SBF2: variants seen among roughly 807,000 people sequenced by gnomAD.
SBF2 encodes the protein SET binding factor 2, also known as myotubularin-related protein 13.
A neutral mutation model predicts 225.2 loss-of-function variants in SBF2; 112 were observed. That is an observed-to-expected ratio of 0.50 (90% CI 0.43 to 0.58). The LOEUF (loss-of-function observed/expected upper bound fraction) is 0.58. SBF2 is among the 20% of genes least tolerant of loss of function. The probability of loss-of-function intolerance (pLI) is 0.00; values close to 1 mark genes in which losing one functional copy is unlikely to be tolerated. For synonymous variants in SBF2, 763 were observed against 773.3 expected (o/e 0.99, Z 0.22); for missense variants, 1,996 against 2,206.2 (o/e 0.90, Z 1.91).
chr11:9,922,499 T>A (rs1033883302), intron 16 of SBF2, among the ~76,000 whole-genome samples: 1 of 152,250 alleles, frequency 6.6e-6, no homozygotes, highest in African/African-American at 2.4e-5. Flanking sequence ...CTTTTCATTT[T>A]TAAGCATTAT....
chr11:9,935,444 GA>G (rs540075065), intron 16 of SBF2, among the ~76,000 whole-genome samples: 1 of 151,980 alleles, frequency 6.6e-6, no homozygotes, highest in Non-Finnish European at 1.5e-5. Flanking sequence ...CACAGAATTT[GA>G]AAAAAACTAC....
chr11:9,898,797 AAT>A (rs1257972349), intron 16 of SBF2, among the ~76,000 whole-genome samples: 2 of 152,246 alleles, frequency 1.3e-5, no homozygotes, highest in Admixed American at 6.5e-5. Context: ...TGCTAAAAAT[AAT>A]ATTTTAACTA....
At chr11:9,894,984 A>G (rs10840317) in intron 17 of SBF2, among the ~76,000 whole-genome samples, 31,225 of 151,962 alleles carry the variant, frequency 0.21, 4,111 homozygotes, top group Non-Finnish European at 0.3. Flanking sequence ...ACTCTGTCTC[A>G]ATAAATAAAT....
intron 2 of SBF2, among the ~76,000 whole-genome samples, chr11:10,078,814 T>G (rs1277444499): frequency 6.6e-6 from 1 of 152,082 alleles, no homozygotes; most frequent in Non-Finnish European, 1.5e-5. Context: ...GCATGAGGTT[T>G]GAAGAACAGA....
At chr11:10,293,130 T>C (rs1217347382) in intron 1 of SBF2, among the ~76,000 whole-genome samples, 2 of 152,208 alleles carry the variant, frequency 1.3e-5, no homozygotes, top group Non-Finnish European at 2.9e-5. Context: ...AAAATAGAAG[T>C]GGTTTCCCAG....
chr11:9,936,110 GA>G (rs1453888576), intron 16 of SBF2, among the ~76,000 whole-genome samples: 1 of 150,694 alleles, frequency 6.6e-6, no homozygotes, highest in Non-Finnish European at 1.5e-5. Context: ...AAATTTACAA[GA>G]AAAAAACAAC....
intron 1 of SBF2, among the ~76,000 whole-genome samples, chr11:10,240,895 G>A (rs952822222): frequency 2.0e-5 from 3 of 152,266 alleles, no homozygotes; most frequent in African/African-American, 7.2e-5. Flanking sequence ...TTATCAGTAA[G>A]TTTGATTATT....
chr11:10,231,785 TTCTCAGA>T (rs1446456778), intron 1 of SBF2, among the ~76,000 whole-genome samples: 2 of 152,184 alleles, frequency 1.3e-5, no homozygotes, highest in African/African-American at 4.8e-5. Context: ...AGTCTGCCAG[TTCTCAGA>T]TCTCAAGCTG....
intron 33 of SBF2, among the ~76,000 whole-genome samples, chr11:9,794,163 C>T (rs1852937550): frequency 6.6e-6 from 1 of 151,976 alleles, no homozygotes. Flanking sequence ...GCCGGGGAGA[C>T]AGAGGAGACC....
At chr11:9,910,144 C>T (rs1057109005) in intron 16 of SBF2, among the ~76,000 whole-genome samples, 6 of 151,984 alleles carry the variant, frequency 3.9e-5, no homozygotes, top group African/African-American at 1.5e-4. Context: ...ACTATAGTCA[C>T]GTGGCCTTAT....
intron 16 of SBF2, among the ~76,000 whole-genome samples, chr11:9,919,678 T>C (rs901654973): frequency 2.0e-5 from 3 of 152,174 alleles, no homozygotes; most frequent in Non-Finnish European, 4.4e-5. Flanking sequence ...AACTACCAGG[T>C]CCAGGGTGTG....
At chr11:9,812,860 A>G in intron 29 of SBF2, 152 bp from the exon 30 acceptor site, 1 of 727,712 alleles carries the variant, frequency 1.4e-6, no homozygotes, top group Non-Finnish European at 2.4e-6. Context: ...TTGTACAGCA[A>G]TGTGTCAGTG....
rs766386052 is a variant in SBF2, at chr11:10,301,859, G to C, written n.386+2633C>G. 2.6e-5 allele frequency among the ~76,000 whole-genome samples: 4 copies of C among 152,214 alleles called. No homozygotes were observed. The South Asian group carries it at 8.3e-4, about 31-fold the overall frequency. ...ATTACGCAAAAACCCTTTAGCATAT[G>C]TGTATGTGTGTCTCCCTAATGTCAG... On this transcript the variant is annotated intron_variant and non_coding_transcript_variant, in intron 1 of 5. Transcript: ENST00000685217.
chr11:9,980,589 A>ATTT (rs547262918), intron 13 of SBF2, among the ~76,000 whole-genome samples: 1 of 145,512 alleles, frequency 6.9e-6, no homozygotes. Context: ...GAACTTAAGA[A>ATTT]TTTTTTTTTT....
rs1463148116 is a variant in SBF2, at chr11:9,989,737, T to G, written c.1297-142A>C. On this transcript the variant is annotated intron_variant, in intron 12 of 39. Transcript: ENST00000256190. ...AACAAAATATTTCAGGTTTTGGGGTTTCACCTCCATTCTGGGGTTACAGGG... is the reference window on the plus strand; with the variant it reads ...AACAAAATATTTCAGGTTTTGGGGTGTCACCTCCATTCTGGGGTTACAGGG... 6 of 605,042 alleles carry G rather than the reference T, an allele frequency of 9.9e-6. No individual in the cohort carries two copies. The East Asian group carries it at 1.7e-4, about 17-fold the overall frequency. The allele number at this position is 605,042 out of a possible 1,614,324, so 37.5% of individuals were successfully genotyped here. A position where few individuals can be genotyped will look rare whatever the true frequency, so the allele number is the denominator to read the frequency against.
At chr11:10,104,595 T>C (rs1020661648) in intron 2 of SBF2, among the ~76,000 whole-genome samples, 9 of 152,192 alleles carry the variant, frequency 5.9e-5, no homozygotes, top group African/African-American at 2.2e-4. Flanking sequence ...GAGCTGAAAC[T>C]GACCAAAACA....
rs530120065 is a variant in SBF2 at position 10,238,692 on chromosome 11, C to T, written c.56-44705G>A. 2.0e-5 allele frequency among the ~76,000 whole-genome samples: 3 copies of T among 150,790 alleles called. No individual in the cohort carries two copies. In the East Asian group the frequency reaches 5.8e-4, roughly 29 times the overall value. On this transcript the variant is annotated intron_variant, in intron 1 of 39. Coordinates refer to ENST00000256190, the MANE Select transcript of SBF2 (RefSeq NM_030962.4). ...CTTTGGGAGGCTGAGGTGGGTGGAT[C>T]ACCTGAGGTCAGGAGTTTGAGACCA...
intron 2 of SBF2, among the ~76,000 whole-genome samples, chr11:10,083,787 G>A (rs901878872): frequency 5.3e-5 from 8 of 152,002 alleles, no homozygotes; most frequent in African/African-American, 7.3e-5. Context: ...AGAAGAAAAC[G>A]TAGGAAAAAC....
Position 9,865,688 on chromosome 11 carries a change from C to CAAAAAAAAAAAAAAAAAAAAAAAAAA in SBF2, c.1930-7318_1930-7293dup, listed in dbSNP as rs1174863548. Among the ~76,000 whole-genome samples, 2 of 14,838 alleles carry CAAAAAAAAAAAAAAAAAAAAAAAAAA rather than the reference C, an allele frequency of 1.3e-4. 1 individual carries two copies. Among genetic ancestry groups the CAAAAAAAAAAAAAAAAAAAAAAAAAA allele is most frequent in the Non-Finnish European group, 2.3e-4 (2 of 8,706 alleles). 9.7% of individuals were successfully genotyped at this position (14,838 alleles called of 152,430 possible). On this transcript the variant is annotated intron_variant, in intron 17 of 39. Transcript: ENST00000256190. ...CCTGGATGACAGAGCAAAACTGTCTCAAAAAAAAAAAAAAAAAAAAAAAAA... is the reference window on the plus strand; with the variant it reads ...CCTGGATGACAGAGCAAAACTGTCTCAAAAAAAAAAAAAAAAAAAAAAAAAAAAAAAAAAAAAAAAAAAAAAAAAAA...
Sources: gnomAD v4.1 joint callset for allele counts (sites outside exome capture counted in the v4.1 genomes callset) on GRCh38, gnomAD v4.1.1 for gene constraint, MANE v1.5 for transcripts, NCBI Gene and HGNC (gene_info 2026-07-23, HGNC 2026-07-21) for gene names.